The following FGF2 variants were observed in gnomAD, a reference collection of about 807,000 sequenced individuals.
FGF2 encodes basic fibroblast growth factor bFGF.
In FGF2, 13 loss-of-function variants were observed where a neutral mutation model predicts 15.9. That is an observed-to-expected ratio of 0.82 (90% CI 0.53 to 1.30). The LOEUF (loss-of-function observed/expected upper bound fraction) is 1.30. Among genes scored for constraint, FGF2 ranks in the 50% most tolerant of loss-of-function variants. The pLI is 0.00. For synonymous variants in FGF2, 90 were observed against 78.4 expected, an observed-to-expected ratio of 1.15 and a Z score of -0.78; for missense variants, 163 against 196.9, an observed-to-expected ratio of 0.83 and a Z score of 1.03.
At chr4:122,831,385 G>C (rs114526589) in intron 1 of FGF2, among the ~76,000 whole-genome samples, 6,034 of 152,106 alleles carry the variant, frequency 0.04, 263 homozygotes, top group African/African-American at 0.1. Context: ...TGATTTCCTG[G>C]GGTTTTGGAT....
chr4:122,842,194 AT>A (rs1164502766), intron 1 of FGF2, among the ~76,000 whole-genome samples: 80 of 152,336 alleles, frequency 5.3e-4, no homozygotes, highest in African/African-American at 1.9e-3. Flanking sequence ...GTTGGGGGAA[AT>A]ACTATTTATG....
intron 2 of FGF2, among the ~76,000 whole-genome samples, chr4:122,891,854 G>A (rs1476214): frequency 0.47 from 71,436 of 151,960 alleles, 18,238 homozygotes; most frequent in African/African-American, 0.68. Context: ...ATACTGCTGG[G>A]AGCTATAGCT....
chr4:122,868,428 T>C (rs12642291), intron 1 of FGF2, among the ~76,000 whole-genome samples: 24,399 of 152,216 alleles, frequency 0.16, 2,454 homozygotes, highest in East Asian at 0.45. Context: ...GCTTCATCCA[T>C]GTCCCTGCAA....
chr4:122,869,669 T>C (rs1467486808), intron 1 of FGF2, among the ~76,000 whole-genome samples: 2 of 152,226 alleles, frequency 1.3e-5, no homozygotes, highest in Non-Finnish European at 2.9e-5. Flanking sequence ...ATGCTTGTGA[T>C]TTTTCCACAT....
At chr4:122,882,773 A>G (rs2150787438) in intron 2 of FGF2, 1 of 152,330 alleles carries the variant, frequency 6.6e-6, no homozygotes, top group South Asian at 2.1e-4. Flanking sequence ...CGACCTGTTC[A>G]CAAGTTAATC....
chr4:122,880,906 C>T (rs943347592), intron 2 of FGF2, among the ~76,000 whole-genome samples: 10 of 152,206 alleles, frequency 6.6e-5, no homozygotes, highest in African/African-American at 2.2e-4. Context: ...CCCAACCCTG[C>T]GCAAACTTCT....
At chr4:122,871,657 G>T (rs1019538677) in intron 1 of FGF2, among the ~76,000 whole-genome samples, 1 of 151,916 alleles carries the variant, frequency 6.6e-6, no homozygotes, top group African/African-American at 2.4e-5. Context: ...ACCCATCTTT[G>T]CTGTTCTCTA....
chr4:122,879,583 C>T (rs979988093), intron 2 of FGF2, among the ~76,000 whole-genome samples: 3 of 152,198 alleles, frequency 2.0e-5, no homozygotes, highest in Non-Finnish European at 2.9e-5. Context: ...ATGCAGTAAC[C>T]TAGTGCATTA....
intron 1 of FGF2, among the ~76,000 whole-genome samples, chr4:122,829,081 AT>A (rs1199042632): frequency 6.6e-6 from 1 of 151,806 alleles, no homozygotes; most frequent in African/African-American, 2.4e-5. Context: ...TTGCTGAATC[AT>A]TTTTTCTTTG....
At chr4:122,832,404 C>G (rs184605564) in intron 1 of FGF2, among the ~76,000 whole-genome samples, 1 of 151,690 alleles carries the variant, frequency 6.6e-6, no homozygotes, top group Non-Finnish European at 1.5e-5. Context: ...GCCACCGCAC[C>G]CAGCTAATTT....
intron 1 of FGF2, among the ~76,000 whole-genome samples, chr4:122,866,158 A>G (rs946191354): frequency 6.6e-6 from 1 of 152,100 alleles, no homozygotes; most frequent in Non-Finnish European, 1.5e-5. Context: ...TCACGAGGTC[A>G]GGAGATCGAG....
At chr4:122,842,870 T>A (rs1726019574) in intron 1 of FGF2, among the ~76,000 whole-genome samples, 1 of 152,230 alleles carries the variant, frequency 6.6e-6, no homozygotes, top group African/African-American at 2.4e-5. Flanking sequence ...TTTTTAAAGT[T>A]TTTTGTTTTG....
intron 1 of FGF2, among the ~76,000 whole-genome samples, chr4:122,831,125 T>C (rs913040105): frequency 1.3e-5 from 2 of 152,208 alleles, no homozygotes; most frequent in African/African-American, 2.4e-5. Flanking sequence ...CAGAAGAGGA[T>C]ACTGAAGCTC....
At chr4:122,852,444 A>G (rs1560743965) in intron 1 of FGF2, among the ~76,000 whole-genome samples, 1 of 152,218 alleles carries the variant, frequency 6.6e-6, no homozygotes, top group Non-Finnish European at 1.5e-5. Context: ...GTTTGCTAAT[A>G]TCAAAATTGC....
chr4:122,892,958 C>T lies in FGF2; in HGVS notation c.*562C>T. 1.2e-6 allele frequency: 2 copies of T among 1,614,132 alleles called. No individual in the cohort carries two copies. Among genetic ancestry groups the T allele is most frequent in the Middle Eastern group, 1.6e-4 (1 of 6,062 alleles). ...AATTTTGTCAAACCCTTCTCTGTAC[C>T]CATACAGCAGCAGCCTAGCAACTCT... On this transcript the variant is annotated 3_prime_UTR_variant, in exon 3 of 3. Coordinates refer to ENST00000644866, the MANE Select transcript of FGF2 (RefSeq NM_001361665.2).
chr4:122,826,778 G>A, upstream of FGF2: 1 of 1,341,348 alleles, frequency 7.5e-7, no homozygotes, highest in Non-Finnish European at 9.7e-7. Flanking sequence ...GCGGGAGGCT[G>A]GTGGGTGTGG....
At chr4:122,868,900 G>A (rs1004578852) in intron 1 of FGF2, among the ~76,000 whole-genome samples, 1 of 152,058 alleles carries the variant, frequency 6.6e-6, no homozygotes, top group African/African-American at 2.4e-5. Flanking sequence ...ATGTTTGTTG[G>A]CCATGTAAAT....
At chr4:122,830,826 A>AAC (rs1438685471) in intron 1 of FGF2, among the ~76,000 whole-genome samples, 1 of 150,844 alleles carries the variant, frequency 6.6e-6, no homozygotes, top group African/African-American at 2.4e-5. Flanking sequence ...CAAAAAAAAA[A>AAC]AAAAAAAAAA....
At chr4:122,844,571 T>TCCTTCC (rs1344813798) in intron 1 of FGF2, among the ~76,000 whole-genome samples, 1,288 of 128,144 alleles carry the variant, frequency 0.01, 26 homozygotes, top group African/African-American at 0.043. Flanking sequence ...CTTTCTTTCT[T>TCCTTCC]TTTCTTTCTT....
Sources: gnomAD v4.1 joint callset for allele counts (sites outside exome capture counted in the v4.1 genomes callset) on GRCh38, gnomAD v4.1.1 for gene constraint, MANE v1.5 for transcripts, NCBI Gene and HGNC (gene_info 2026-07-23, HGNC 2026-07-21) for gene names.